Variants in PHF14 observed in about 807,000 individuals in gnomAD.
The protein encoded by PHF14 is PHD finger protein 14.
PHF14 carries 55 observed loss-of-function variants against 117.9 expected under a neutral mutation model. The observed-to-expected ratio is 0.47, with a 90% CI of 0.38 to 0.58. The LOEUF (loss-of-function observed/expected upper bound fraction) is 0.58. Ranked by LOEUF, PHF14 falls within the 20% of genes least tolerant of loss-of-function variation. The pLI is 0.00. For missense variants in PHF14, 978 were observed against 1,122.2 expected, an observed-to-expected ratio of 0.87 and a Z score of 1.84; for synonymous variants, 409 against 368.6, an observed-to-expected ratio of 1.11 and a Z score of -1.26.
At chr7:11,104,360 A>T (rs1304018949) in intron 16 of PHF14, 4 of 967,844 alleles carry the variant, frequency 4.1e-6, no homozygotes, top group Non-Finnish European at 3.7e-6. Context: ...AGAAAACTTG[A>T]AGTAACTAGA....
chr7:11,077,450 A>C (rs1490210322), intron 16 of PHF14, among the ~76,000 whole-genome samples: 2 of 151,818 alleles, frequency 1.3e-5, no homozygotes, highest in Admixed American at 1.3e-4. Context: ...CAAATACAAA[A>C]ATTAGCCGGG....
intron 16 of PHF14, chr7:11,063,045 G>T (rs1785287572): frequency 1.3e-6 from 1 of 777,846 alleles, no homozygotes; most frequent in East Asian, 2.0e-4. Flanking sequence ...ACTTCCAAAT[G>T]ATTTAATCTA....
intron 13 of PHF14, among the ~76,000 whole-genome samples, chr7:11,045,177 G>C (rs981044501): frequency 2.6e-5 from 4 of 152,100 alleles, no homozygotes; most frequent in African/African-American, 7.2e-5. Flanking sequence ...TCCCCCAGAG[G>C]GTCAAGTGTT....
At chr7:10,984,945 C>G (rs1236576714) in intron 3 of PHF14, among the ~76,000 whole-genome samples, 1 of 152,084 alleles carries the variant, frequency 6.6e-6, no homozygotes, top group Admixed American at 6.6e-5. Context: ...TCGAAAAGTG[C>G]CCATGTAGAA....
chr7:11,113,322 C>A (rs1787502521), intron 17 of PHF14, among the ~76,000 whole-genome samples: 1 of 151,976 alleles, frequency 6.6e-6, no homozygotes, highest in Admixed American at 6.6e-5. Context: ...GCCATAGGTG[C>A]CAGTAGCCAT....
intron 5 of PHF14, among the ~76,000 whole-genome samples, chr7:11,018,923 G>A (rs755493524): frequency 7.2e-5 from 11 of 151,940 alleles, no homozygotes; most frequent in Admixed American, 2.0e-4. Flanking sequence ...TTTCTATCCC[G>A]TTTTTGGGGA....
intron 16 of PHF14, among the ~76,000 whole-genome samples, chr7:11,067,498 A>C (rs1785463013): frequency 6.6e-6 from 1 of 152,214 alleles, no homozygotes; most frequent in South Asian, 2.1e-4. Context: ...TCAAACAGAT[A>C]ATTGAACACC....
intron 6 of PHF14, among the ~76,000 whole-genome samples, chr7:11,024,036 C>T (rs1783826312): frequency 6.6e-6 from 1 of 152,134 alleles, no homozygotes; most frequent in East Asian, 1.9e-4. Flanking sequence ...AGGAAAAGCT[C>T]TTGAAGGAAA....
intron 16 of PHF14, among the ~76,000 whole-genome samples, chr7:11,068,349 C>CAAAAAA (rs10659513): frequency 1.8e-4 from 12 of 66,732 alleles, no homozygotes; most frequent in African/African-American, 5.2e-4. Flanking sequence ...GACTCCGTCT[C>CAAAAAA]AAAAAAAAAA....
chr7:11,059,711 C>G (rs1785146099), intron 14 of PHF14, among the ~76,000 whole-genome samples: 2 of 152,002 alleles, frequency 1.3e-5, no homozygotes, highest in South Asian at 4.2e-4. Flanking sequence ...GAGGCGGAAA[C>G]TACAGTGAGC....
At chr7:11,128,894 T>C (rs1309599530) in intron 17 of PHF14, among the ~76,000 whole-genome samples, 2 of 152,046 alleles carry the variant, frequency 1.3e-5, no homozygotes, top group African/African-American at 4.8e-5. Context: ...CTACAATCCT[T>C]AGGCCTAGAT....
chr7:11,071,441 G>C (rs1216591544), intron 16 of PHF14, among the ~76,000 whole-genome samples: 1 of 152,138 alleles, frequency 6.6e-6, no homozygotes, highest in African/African-American at 2.4e-5. Context: ...TTACCTAGAG[G>C]AGTAGAAAAT....
At chr7:11,025,188 C>T (rs946526278) in intron 6 of PHF14, among the ~76,000 whole-genome samples, 1 of 152,256 alleles carries the variant, frequency 6.6e-6, no homozygotes, top group African/African-American at 2.4e-5. Context: ...GGTGACTGAA[C>T]TGCTGCGATC....
chr7:11,066,824 G>A (rs570367568), intron 16 of PHF14, among the ~76,000 whole-genome samples: 38 of 152,258 alleles, frequency 2.5e-4, no homozygotes, highest in Admixed American at 4.6e-4. Context: ...CTCAGGCTGT[G>A]GAGTAAGCTG....
At chr7:11,085,483 G>A (rs1786356857) in intron 16 of PHF14, among the ~76,000 whole-genome samples, 1 of 152,088 alleles carries the variant, frequency 6.6e-6, no homozygotes, top group Non-Finnish European at 1.5e-5. Flanking sequence ...AATTCTAAAG[G>A]CAAAAATTAT....
chr7:11,080,230 G>A (rs927277179), intron 16 of PHF14, among the ~76,000 whole-genome samples: 2 of 151,970 alleles, frequency 1.3e-5, no homozygotes, highest in African/African-American at 4.8e-5. Flanking sequence ...GAGTACCTAG[G>A]TGTAGGCCCT....
intron 17 of PHF14, among the ~76,000 whole-genome samples, chr7:11,116,565 A>G (rs1787608566): frequency 1.3e-5 from 2 of 151,656 alleles, no homozygotes; most frequent in South Asian, 2.1e-4. Flanking sequence ...CTTAATGTAT[A>G]CTCTTGTATC....
intron 8 of PHF14, among the ~76,000 whole-genome samples, 182 bp from the exon 9 acceptor site, chr7:11,036,236 A>G (rs774019313): frequency 3.9e-5 from 6 of 152,200 alleles, no homozygotes; most frequent in Non-Finnish European, 8.8e-5. Context: ...GGGCAGATAT[A>G]GTTTATTGTA....
At chr7:11,090,562 G>A (rs1156841491) in intron 16 of PHF14, among the ~76,000 whole-genome samples, 1 of 151,708 alleles carries the variant, frequency 6.6e-6, no homozygotes, top group African/African-American at 2.4e-5. Flanking sequence ...AAAGAAAGTT[G>A]AGTTTCATGT....
Sources: allele counts gnomAD v4.1 joint callset (sites outside exome capture counted in the v4.1 genomes callset), GRCh38; gene constraint gnomAD v4.1.1; transcripts MANE v1.5; gene names NCBI Gene and HGNC (gene_info 2026-07-23, HGNC 2026-07-21).